PHF14: variants seen among roughly 807,000 people sequenced by gnomAD.
The protein encoded by PHF14 is PHD finger protein 14.
In PHF14, 55 loss-of-function variants were observed where a neutral mutation model predicts 117.9. The ratio of observed to expected loss-of-function variants is 0.47; its 90% confidence interval spans 0.38 to 0.58. The LOEUF (loss-of-function observed/expected upper bound fraction) is 0.58, where lower values mean the gene tolerates loss of function less well. Ranked by LOEUF, PHF14 falls within the 20% of genes least tolerant of loss-of-function variation. The probability of loss-of-function intolerance (pLI) is 0.00; values close to 1 mark genes in which losing one functional copy is unlikely to be tolerated. For missense variants in PHF14, 978 were observed against 1,122.2 expected (o/e 0.87, Z 1.84); for synonymous variants, 409 against 368.6 (o/e 1.11, Z -1.26).
chr7:10,988,151 G>T (rs1337146578), intron 3 of PHF14, among the ~76,000 whole-genome samples: 1 of 151,828 alleles, frequency 6.6e-6, no homozygotes, highest in Non-Finnish European at 1.5e-5. Flanking sequence ...TTTATCTCTA[G>T]TTTTCCCTAT....
rs535978478 is a variant in PHF14, at chr7:11,042,939, ATATT to A, written c.2312+130_2312+133del. ...CACATTTTAAAATTGACTGTCATCA[ATATT>A]TATTATAGCATTATGTGACTAAATC... On this transcript the variant is annotated intron_variant, in intron 13 of 17. Coordinates refer to ENST00000634607, the MANE Select transcript of PHF14 (RefSeq NM_001007157.2). The A allele has an allele frequency of 1.7e-4, 112 of 647,640 alleles. No homozygotes were observed. In the African/African-American group the frequency reaches 2.0e-3, roughly 12 times the overall value. 40.1% of individuals were successfully genotyped at this position (647,640 alleles called of 1,614,324 possible). A position where few individuals can be genotyped will look rare whatever the true frequency, so the allele number is the denominator to read the frequency against.
intron 17 of PHF14, among the ~76,000 whole-genome samples, chr7:11,140,957 C>A (rs1788382024): frequency 6.6e-6 from 1 of 152,030 alleles, no homozygotes; most frequent in Non-Finnish European, 1.5e-5. Flanking sequence ...TTTTAGGTAA[C>A]TTCCTTTTTC....
Position 11,036,538 on chromosome 7 carries a change from G to T in PHF14, c.1723G>T (p.Ala575Ser). The stretch of plus-strand genomic sequence containing the variant: ...CAGACCACTCACCAGCAGTGCTTCA[G>T]CTATTCGTAAACTTATGCGGAAAGC... ...LPRPLTSSAS[A>S]IRKLMRKAEL... The change falls in exon 9 of 18, where the codon GCT becomes TCT. Residue 575 changes from alanine to serine, a missense_variant. Transcript: ENST00000634607. The T allele has an allele frequency of 6.2e-7, 1 of 1,613,998 alleles. No homozygotes were observed. The highest frequency in any genetic ancestry group is 8.5e-7 in the Non-Finnish European group (1 of 1,179,892).
chr7:11,005,292 C>T (rs932762365), intron 4 of PHF14, among the ~76,000 whole-genome samples: 6 of 152,116 alleles, frequency 3.9e-5, no homozygotes, highest in Non-Finnish European at 8.8e-5. Context: ...CTAATTCCTC[C>T]TACATTTATT....
Position 11,131,019 on chromosome 7 carries a change from T to A in PHF14, c.2772+19552T>A, listed in dbSNP as rs564182534. 1.4e-4 allele frequency among the ~76,000 whole-genome samples: 21 copies of A among 152,024 alleles called. No homozygotes were observed. The East Asian group carries it at 4.0e-3, about 29-fold the overall frequency. On this transcript the variant is annotated intron_variant, in intron 17 of 17. Transcript: ENST00000634607. ...TTTTTTTTTTAATCACTGAGTAATG[T>A]TCTATTGTATGGATATGCTCCTATT...
At chr7:11,085,004 GT>G (rs1786330759) in intron 16 of PHF14, among the ~76,000 whole-genome samples, 1 of 151,360 alleles carries the variant, frequency 6.6e-6, no homozygotes, top group South Asian at 2.1e-4. Flanking sequence ...TTTTTTGTTT[GT>G]TTTTGCTTTA....
At chr7:10,981,896 A>C (rs1052937959) in intron 2 of PHF14, among the ~76,000 whole-genome samples, 3 of 152,158 alleles carry the variant, frequency 2.0e-5, no homozygotes, top group African/African-American at 7.2e-5. Flanking sequence ...AAAATAAATG[A>C]AGCAGTTTTA....
At chr7:10,988,249 C>T (rs887633858) in intron 3 of PHF14, among the ~76,000 whole-genome samples, 3 of 151,966 alleles carry the variant, frequency 2.0e-5, no homozygotes, top group Admixed American at 6.6e-5. Context: ...TTTTCTCTGC[C>T]TCTAAATGAT....
At chr7:11,122,382 C>CAT (rs1787794723) in intron 17 of PHF14, among the ~76,000 whole-genome samples, 9 of 120,946 alleles carry the variant, frequency 7.4e-5, no homozygotes, top group African/African-American at 2.7e-4. Flanking sequence ...CACACACACA[C>CAT]ACATACATAC....
At chr7:11,097,880 A>G (rs1786937043) in intron 16 of PHF14, among the ~76,000 whole-genome samples, 1 of 152,166 alleles carries the variant, frequency 6.6e-6, no homozygotes, top group Admixed American at 6.5e-5. Flanking sequence ...CAAACAGCCC[A>G]TGGTGGGAAA....
chr7:11,005,680 C>G, intron 4 of PHF14, among the ~76,000 whole-genome samples: 1 of 150,466 alleles, frequency 6.6e-6, no homozygotes, highest in South Asian at 2.1e-4. Flanking sequence ...CCATAATGTA[C>G]TTATTTTTTT....
chr7:10,980,291 C>G (rs1357280800), intron 2 of PHF14, among the ~76,000 whole-genome samples: 16 of 152,088 alleles, frequency 1.1e-4, no homozygotes. Context: ...TCTTCATCTC[C>G]TAGCTCTCTT....
chr7:11,150,035 A>G (rs1788661968), intron 17 of PHF14, among the ~76,000 whole-genome samples: 1 of 152,138 alleles, frequency 6.6e-6, no homozygotes, highest in South Asian at 2.1e-4. Context: ...TATAACATGG[A>G]TAAATATATA....
At chr7:11,000,667 T>G (rs533126299) in intron 4 of PHF14, among the ~76,000 whole-genome samples, 8 of 152,282 alleles carry the variant, frequency 5.3e-5, no homozygotes, top group Non-Finnish European at 1.0e-4. Context: ...TCTTCTTGGA[T>G]GAGGTGTCTA....
chr7:11,122,945 A>C (rs1464400486), intron 17 of PHF14, among the ~76,000 whole-genome samples: 1 of 152,178 alleles, frequency 6.6e-6, no homozygotes, highest in Admixed American at 6.5e-5. Context: ...AAAATCAAGA[A>C]TCTTCCTCTA....
At chr7:11,027,341 C>G (rs1363649318) in intron 6 of PHF14, among the ~76,000 whole-genome samples, 5 of 152,082 alleles carry the variant, frequency 3.3e-5, no homozygotes, top group Non-Finnish European at 7.4e-5. Context: ...CAGGATTTGA[C>G]TATTGAAGTT....
chr7:11,117,417 G>A (rs371589920), intron 17 of PHF14, among the ~76,000 whole-genome samples: 1 of 151,708 alleles, frequency 6.6e-6, no homozygotes, highest in South Asian at 2.1e-4. Flanking sequence ...AGATTTTCTA[G>A]AACTACAAAT....
intron 16 of PHF14, among the ~76,000 whole-genome samples, chr7:11,091,451 A>G (rs1470555019): frequency 1.3e-5 from 2 of 152,114 alleles, no homozygotes; most frequent in Non-Finnish European, 2.9e-5. Context: ...ATTTAAAATT[A>G]TGGGATTATA....
At chr7:11,153,948 CGTGTGT>C (rs10593375) in intron 17 of PHF14, among the ~76,000 whole-genome samples, 13 of 149,276 alleles carry the variant, frequency 8.7e-5, no homozygotes, top group African/African-American at 1.2e-4. Flanking sequence ...TCTGTGTGTG[CGTGTGT>C]GTGTGTGTGT....
Sources: allele counts gnomAD v4.1 joint callset (sites outside exome capture counted in the v4.1 genomes callset), GRCh38; gene constraint gnomAD v4.1.1; transcripts MANE v1.5; gene names NCBI Gene and HGNC (gene_info 2026-07-23, HGNC 2026-07-21).